The following COL27A1 variants were observed in gnomAD, a reference collection of about 807,000 sequenced individuals.
COL27A1 encodes the protein collagen alpha-1(XXVII) chain.
A neutral mutation model predicts 251.3 loss-of-function variants in COL27A1; 106 were observed. The ratio of observed to expected loss-of-function variants is 0.42; its 90% CI spans 0.36 to 0.50. The LOEUF is 0.50. COL27A1 is among the 20% of genes least tolerant of loss of function. COL27A1 has a pLI of 0.00. For missense variants in COL27A1, 2,325 were observed against 2,522.8 expected (o/e 0.92, Z 1.68); for synonymous variants, 1,000 against 986.3 (o/e 1.01, Z -0.26).
chr9:114,307,712 C>G lies in COL27A1; in HGVS notation c.5151C>G (p.Thr1717=). 6.2e-7 allele frequency: 1 copy of G among 1,614,178 alleles called. No individual in the cohort carries two copies. The highest frequency in any genetic ancestry group is 8.5e-7 in the Non-Finnish European group (1 of 1,180,012). Residue 1717 remains threonine (T), a synonymous_variant, in exon 59 of 61, where the codon ACC becomes ACG. Coordinates refer to ENST00000356083, the MANE Select transcript of COL27A1 (RefSeq NM_032888.4). ...VDPNLGCSSD[T]IEVSCNFTHG... ...CAAACCTTGGCTGCTCCTCTGACAC[C>G]ATCGAGGTCTCCTGCAACTTCACTC...
chr9:114,185,638 T>C (rs1181216920), intron 5 of COL27A1, among the ~76,000 whole-genome samples: 1 of 152,230 alleles, frequency 6.6e-6, no homozygotes, highest in Admixed American at 6.5e-5. Flanking sequence ...GGAGGTGACC[T>C]GGTGGGACTG....
At position 114,307,796 on chromosome 9, in the gene COL27A1, C is replaced by A. The variant is rs780511701; in HGVS notation, c.5217+18C>A. On this transcript the variant is annotated intron_variant, in intron 59 of 60. Transcript: ENST00000356083. ...CCTCCAAGGTACCCATCAGCTCCCA[C>A]ACTGCCCACCAGGCTGTCTGCCTCT... The A allele has an allele frequency of 3.8e-6, 6 of 1,567,896 alleles. No individual in the cohort carries two copies. The highest frequency in any genetic ancestry group is 5.3e-6 in the Non-Finnish European group (6 of 1,139,640).
At chr9:114,165,829 TCCA>T (rs1848799008) in intron 2 of COL27A1, among the ~76,000 whole-genome samples, 1 of 44,086 alleles carries the variant, frequency 2.3e-5, no homozygotes, top group Non-Finnish European at 5.3e-5. Flanking sequence ...GCATTATTTA[TCCA>T]TCCATCCATC....
In COL27A1 at chr9:114,168,675, G is replaced by C; in HGVS notation, c.1120G>C (p.Ala374Pro). 1.2e-6 allele frequency: 2 copies of C among 1,614,066 alleles called. No homozygotes were observed. The highest frequency in any genetic ancestry group is 1.7e-6 in the Non-Finnish European group (2 of 1,180,030). The change falls in exon 3 of 61, where the codon GCC becomes CCC. Residue 374 changes from alanine to proline, a missense_variant. Physicochemically the swap from Ala to Pro is conservative, Grantham distance 27. Transcript: ENST00000356083. Reference sequence around the variant, plus strand: ...CAAAAGCCTCCCTACCAAGCCTTCGGCCCCTTCTACTTCAATTGTGCCCAT... The same window carrying C: ...CAAAAGCCTCCCTACCAAGCCTTCGCCCCCTTCTACTTCAATTGTGCCCAT... ...IPKSLPTKPSAPSTSIVPIKS... is the reference protein window; with the variant it reads ...IPKSLPTKPSPPSTSIVPIKS...
At chr9:114,178,270 G>A in intron 3 of COL27A1, 21 bp from the exon 4 acceptor site, 1 of 1,611,686 alleles carries the variant, frequency 6.2e-7, no homozygotes, top group Non-Finnish European at 8.5e-7. Context: ...GTCTAATGCT[G>A]TCTTCTTGTT....
At chr9:114,268,639 G>A (rs1035983970) in intron 34 of COL27A1, among the ~76,000 whole-genome samples, 4 of 152,134 alleles carry the variant, frequency 2.6e-5, no homozygotes, top group Admixed American at 1.3e-4. Context: ...GCTCCTTACC[G>A]AACTCCCCCA....
At chr9:114,221,370 A>G (rs1037768572) in intron 13 of COL27A1, among the ~76,000 whole-genome samples, 2 of 152,242 alleles carry the variant, frequency 1.3e-5, no homozygotes, top group African/African-American at 2.4e-5. Context: ...GATATGCAGT[A>G]TCATTCTGCG....
chr9:114,200,558 C>T (rs73562521), intron 7 of COL27A1, among the ~76,000 whole-genome samples: 6,888 of 152,208 alleles, frequency 0.045, 347 homozygotes, highest in African/African-American at 0.11. Flanking sequence ...TGCCTGGAGC[C>T]GTCTCAGGCA....
At chr9:114,195,874 G>C (rs942707596) in intron 6 of COL27A1, 85 bp from the exon 7 acceptor site, 2 of 1,057,372 alleles carry the variant, frequency 1.9e-6, no homozygotes, top group Non-Finnish European at 3.0e-6. Context: ...CCAGCCATTG[G>C]AAGTTACCAT....
In COL27A1 at chr9:114,300,554, G is replaced by A. The variant is rs956504498; in HGVS notation, c.4639-71G>A. ...GGGCAAAGGTTGACAGACCCCAGGGGTGAGGGAGCTGTGGGGGCCCTTTAC... is the reference window on the plus strand; with the variant it reads ...GGGCAAAGGTTGACAGACCCCAGGGATGAGGGAGCTGTGGGGGCCCTTTAC... On this transcript the variant is annotated intron_variant, in intron 50 of 60. Transcript: ENST00000356083. The A allele has an allele frequency of 3.1e-6, 4 of 1,286,098 alleles. No individual in the cohort carries two copies. In the Admixed American group the frequency reaches 7.4e-5, roughly 24 times the overall value. 79.7% of individuals were successfully genotyped at this position (1,286,098 alleles called of 1,614,324 possible).
chr9:114,185,041 C>T (rs1828234524), intron 5 of COL27A1, among the ~76,000 whole-genome samples: 2 of 152,192 alleles, frequency 1.3e-5, no homozygotes, highest in South Asian at 4.1e-4. Flanking sequence ...CTGCTCAGAG[C>T]ACTGTGGAAC....
At chr9:114,205,296 C>G (rs1829871380) in intron 8 of COL27A1, 150 bp downstream of exon 8, 1 of 665,804 alleles carries the variant, frequency 1.5e-6, no homozygotes, top group Non-Finnish European at 2.5e-6. Context: ...CCAGCCCACT[C>G]CAGTCCACCC....
rs781615920 is a variant in COL27A1 at position 114,282,544 on chromosome 9, C to T, written c.3859C>T (p.Arg1287Trp). The T allele has an allele frequency of 2.1e-5, 32 of 1,534,928 alleles. No homozygotes were observed. The highest frequency in any genetic ancestry group is 1.2e-4 in the Admixed American group (5 of 42,964). Residue 1287 changes from arginine to tryptophan, a missense_variant, in exon 39 of 61, where the codon CGG becomes TGG. Physicochemically the swap from Arg to Trp is moderately radical, Grantham distance 101. This residue lies in a region of COL27A1 where 662 missense variants were observed against 795.3 expected (regional missense o/e 0.83). Transcript: ENST00000356083. ...TGGCACTCCAGGCCCTAAAGGGTCCCGGGGCAGCCTGGGACCAACGGTGAG... is the reference window on the plus strand; with the variant it reads ...TGGCACTCCAGGCCCTAAAGGGTCCTGGGGCAGCCTGGGACCAACGGTGAG... ...PPGTPGPKGS[R>W]GSLGPTGAPG...
chr9:114,263,009 G>A (rs1043605702), intron 28 of COL27A1, among the ~76,000 whole-genome samples: 4 of 134,988 alleles, frequency 3.0e-5, no homozygotes, highest in African/African-American at 5.7e-5. Context: ...TGCGATCTCC[G>A]CTCACTGCAA....
intron 20 of COL27A1, 43 bp downstream of exon 20, chr9:114,240,316 GCT>G: frequency 6.3e-7 from 1 of 1,584,174 alleles, no homozygotes; most frequent in Non-Finnish European, 8.6e-7. Flanking sequence ...GGAGCAGACA[GCT>G]CTGCAGAAAC....
chr9:114,259,568 C>T lies in COL27A1; in HGVS notation c.3195+974C>T, dbSNP rs1214124247. Among the ~76,000 whole-genome samples the T allele has an allele frequency of 7.9e-5, 12 of 152,284 alleles. No homozygotes were observed. The East Asian group carries it at 2.1e-3, about 27-fold the overall frequency. ...CCAAGCCCTGAACACCTCTGAGCCT[C>T]CACTCCACTCCCAGAGAGGCACAGA... On this transcript the variant is annotated intron_variant, in intron 28 of 60. Coordinates refer to ENST00000356083, the MANE Select transcript of COL27A1 (RefSeq NM_032888.4).
At chr9:114,293,566 A>G (rs1249733) in intron 49 of COL27A1, among the ~76,000 whole-genome samples, 52,600 of 148,760 alleles carry the variant, frequency 0.35, 9,377 homozygotes, top group East Asian at 0.42. Flanking sequence ...AAAAAAAAGG[A>G]AAATCAAAAG....
intron 12 of COL27A1, among the ~76,000 whole-genome samples, chr9:114,219,528 G>T (rs927315204): frequency 6.6e-6 from 1 of 152,200 alleles, no homozygotes; most frequent in East Asian, 1.9e-4. Context: ...CAGAATAGGG[G>T]ATTGGCATTT....
intron 21 of COL27A1, 140 bp downstream of exon 21, chr9:114,240,627 C>G: frequency 1.4e-6 from 1 of 734,108 alleles, no homozygotes; most frequent in South Asian, 1.8e-5. Flanking sequence ...CCAGACTTAC[C>G]CACCAGCTCA....
Sources: allele counts gnomAD v4.1 joint callset (sites outside exome capture counted in the v4.1 genomes callset), GRCh38; gene constraint gnomAD v4.1.1; regional missense constraint gnomAD v4.1.1; transcripts MANE v1.5; gene names NCBI Gene and HGNC (gene_info 2026-07-23, HGNC 2026-07-21).